TCF4: variants seen among roughly 807,000 people sequenced by gnomAD.
TCF4 encodes transcription factor 4.
In TCF4, 3 loss-of-function variants were observed where a neutral mutation model predicts 82.1. That is an observed-to-expected ratio of 0.04 (90% CI 0.02 to 0.09). The LOEUF (loss-of-function observed/expected upper bound fraction) is 0.09, where lower values mean the gene tolerates loss of function less well. TCF4 is among the 10% of genes least tolerant of loss of function. TCF4 has a pLI of 1.00. For synonymous variants in TCF4, 276 were observed against 309.6 expected (o/e 0.89, Z 1.14); for missense variants, 518 against 852.7 (o/e 0.61, Z 4.89).
chr18:55,283,389 C>T (rs2063018113), intron 8 of TCF4, among the ~76,000 whole-genome samples: 1 of 152,188 alleles, frequency 6.6e-6, no homozygotes, highest in South Asian at 2.1e-4. Context: ...ATGCCTCCTA[C>T]TCTTTTCCTT....
At chr18:55,472,240 T>A (rs2096199956) in intron 3 of TCF4, among the ~76,000 whole-genome samples, 1 of 152,240 alleles carries the variant, frequency 6.6e-6, no homozygotes, top group African/African-American at 2.4e-5. Context: ...GGGTAACTGT[T>A]ATGTTACAAA....
At chr18:55,364,489 C>G (rs1208600455) in intron 6 of TCF4, among the ~76,000 whole-genome samples, 3 of 152,166 alleles carry the variant, frequency 2.0e-5, no homozygotes, top group African/African-American at 7.2e-5. Context: ...ATTTCTCATT[C>G]TGGCAAATTC....
At chr18:55,470,263 AC>A (rs1464325681) in intron 3 of TCF4, among the ~76,000 whole-genome samples, 2 of 152,140 alleles carry the variant, frequency 1.3e-5, no homozygotes, top group Non-Finnish European at 2.9e-5. Flanking sequence ...ATTTAATAAT[AC>A]CCTCCAATAT....
chr18:55,548,168 C>T (rs1455391377), intron 3 of TCF4, among the ~76,000 whole-genome samples: 1 of 152,114 alleles, frequency 6.6e-6, no homozygotes, highest in Non-Finnish European at 1.5e-5. Context: ...TATTGCACTT[C>T]GTTTATTTTA....
intron 8 of TCF4, among the ~76,000 whole-genome samples, chr18:55,305,821 A>G (rs947443636): frequency 2.0e-4 from 31 of 152,324 alleles, no homozygotes; most frequent in Non-Finnish European, 1.2e-4. Context: ...AATATATGCT[A>G]TTATCAGTTT....
chr18:55,298,634 T>C (rs1252206740), intron 8 of TCF4, among the ~76,000 whole-genome samples: 1 of 152,196 alleles, frequency 6.6e-6, no homozygotes, highest in Admixed American at 6.5e-5. Flanking sequence ...GATTTAAGGG[T>C]ACATATGTGT....
chr18:55,253,343 A>G (rs2145451708), intron 15 of TCF4, among the ~76,000 whole-genome samples: 1 of 152,314 alleles, frequency 6.6e-6, no homozygotes, highest in East Asian at 1.9e-4. Context: ...AATGGAAAAT[A>G]TACCTTCATC....
chr18:55,402,495 G>GA lies in TCF4; in HGVS notation c.369+958dup, dbSNP rs970205582. On this transcript the variant is annotated intron_variant, in intron 6 of 19. Coordinates refer to ENST00000354452, the MANE Select transcript of TCF4 (RefSeq NM_001083962.2). ...AGTAAGCATCCCCTTTCCAGCATTT[G>GA]AAAAAAAAAAAGTACATTTTGTTTG... Among the ~76,000 whole-genome samples the GA allele has an allele frequency of 7.4e-3, 1,054 of 142,474 alleles. 9 individuals carry two copies. The highest frequency in any genetic ancestry group is 0.021 in the Middle Eastern group (6 of 282). 93.5% of individuals were successfully genotyped at this position (142,474 alleles called of 152,430 possible).
chr18:55,256,235 C>T (rs893165538), intron 14 of TCF4, among the ~76,000 whole-genome samples: 3 of 152,166 alleles, frequency 2.0e-5, no homozygotes, highest in Admixed American at 2.0e-4. Flanking sequence ...AGAATTCAAA[C>T]AGAATGGAAG....
At chr18:55,534,275 G>A (rs1023528962) in intron 3 of TCF4, among the ~76,000 whole-genome samples, 4 of 152,180 alleles carry the variant, frequency 2.6e-5, no homozygotes, top group Non-Finnish European at 5.9e-5. Context: ...CTTAAGACTG[G>A]GCCTTCATGG....
intron 5 of TCF4, among the ~76,000 whole-genome samples, chr18:55,417,979 C>A (rs757657889): frequency 2.0e-5 from 3 of 148,326 alleles, no homozygotes; most frequent in Non-Finnish European, 3.0e-5. Context: ...TCCTTTACTT[C>A]CTGAGGATGA....
At position 55,542,955 on chromosome 18, in the gene TCF4, A is replaced by G. The variant is rs968087289; in HGVS notation, c.145+42325T>C. On this transcript the variant is annotated intron_variant, in intron 3 of 19. Coordinates refer to ENST00000354452, the MANE Select transcript of TCF4 (RefSeq NM_001083962.2). ...TGATGATATGGAAAACAAATCTCCCAGGCACTCCCCATTTACTGTCAAGCA... is the reference window on the plus strand; with the variant it reads ...TGATGATATGGAAAACAAATCTCCCGGGCACTCCCCATTTACTGTCAAGCA... Among the ~76,000 whole-genome samples, 3 of 152,032 alleles carry G rather than the reference A, an allele frequency of 2.0e-5. No homozygotes were observed. The East Asian group carries it at 5.8e-4, about 29-fold the overall frequency.
chr18:55,311,027 T>C (rs963645683), intron 8 of TCF4, among the ~76,000 whole-genome samples: 2 of 152,146 alleles, frequency 1.3e-5, no homozygotes, highest in African/African-American at 2.4e-5. Flanking sequence ...TCACAAATAA[T>C]GTACAATATT....
intron 8 of TCF4, among the ~76,000 whole-genome samples, chr18:55,280,528 T>A (rs996901092): frequency 5.9e-5 from 9 of 152,164 alleles, no homozygotes; most frequent in African/African-American, 2.2e-4. Context: ...CCTTGCCTTT[T>A]CTGCTAAATA....
intron 15 of TCF4, 127 bp downstream of exon 15, chr18:55,254,370 C>G: frequency 1.2e-6 from 1 of 860,190 alleles, no homozygotes; most frequent in Non-Finnish European, 1.9e-6. Flanking sequence ...CTGAAATGGG[C>G]TCATCGTATG....
intron 3 of TCF4, among the ~76,000 whole-genome samples, chr18:55,502,103 T>C (rs988767934): frequency 6.6e-6 from 1 of 152,248 alleles, no homozygotes; most frequent in Non-Finnish European, 1.5e-5. Context: ...ATACTAACTA[T>C]GACAGGTTTT....
chr18:55,335,219 C>T (rs1411504301), intron 8 of TCF4, among the ~76,000 whole-genome samples: 1 of 152,222 alleles, frequency 6.6e-6, no homozygotes, highest in African/African-American at 2.4e-5. Flanking sequence ...ATTACCTAGG[C>T]ACAATGGCTG....
At chr18:55,273,315 A>G (rs1391281367) in intron 10 of TCF4, among the ~76,000 whole-genome samples, 1 of 152,216 alleles carries the variant, frequency 6.6e-6, no homozygotes, top group African/African-American at 2.4e-5. Context: ...TTTACAGATA[A>G]TATCAACTTG....
At chr18:55,427,806 A>T (rs181515861) in intron 5 of TCF4, among the ~76,000 whole-genome samples, 1 of 152,292 alleles carries the variant, frequency 6.6e-6, no homozygotes, top group Non-Finnish European at 1.5e-5. Context: ...TAAATGAAAA[A>T]CTGTTCAGCG....
Sources: gnomAD v4.1 joint callset for allele counts (sites outside exome capture counted in the v4.1 genomes callset) on GRCh38, gnomAD v4.1.1 for gene constraint, MANE v1.5 for transcripts, NCBI Gene and HGNC (gene_info 2026-07-23, HGNC 2026-07-21) for gene names.